The following PCDH11X variants were observed in gnomAD, a reference collection of about 807,000 sequenced individuals.
PCDH11X encodes protocadherin-11 X-linked.
PCDH11X carries 18 observed loss-of-function variants against 53.3 expected under a neutral mutation model. The ratio of observed to expected loss-of-function variants is 0.34; its 90% CI spans 0.23 to 0.50. The LOEUF (loss-of-function observed/expected upper bound fraction) is 0.50, where lower values mean the gene tolerates loss of function less well. Ranked by LOEUF, PCDH11X falls within the 20% of genes least tolerant of loss-of-function variation. PCDH11X has a pLI of 0.98. For synonymous variants in PCDH11X, 279 were observed against 393.3 expected (o/e 0.71, Z 3.44); for missense variants, 570 against 1,032.4 (o/e 0.55, Z 6.14).
At chrX:92,278,073 C>A (rs1163814931) in intron 8 of PCDH11X, among the ~76,000 whole-genome samples, 2 of 109,730 alleles carry the variant, frequency 1.8e-5, no homozygotes, top group African/African-American at 6.6e-5. Context: ...ATGGATAAAA[C>A]GTGTCTCCTT....
At chrX:92,052,605 A>G (rs1271050822) in intron 6 of PCDH11X, among the ~76,000 whole-genome samples, 1 of 67,706 alleles carries the variant, frequency 1.5e-5, no homozygotes, top group Admixed American at 2.0e-4. Flanking sequence ...CACAGAATAG[A>G]CACTAACCTT....
chrX:92,294,296 C>T (rs1286848316), intron 8 of PCDH11X, among the ~76,000 whole-genome samples: 2 of 109,850 alleles, frequency 1.8e-5, no homozygotes, highest in African/African-American at 6.7e-5. Flanking sequence ...CACCCACCAC[C>T]ACGCCCAGCT....
chrX:92,577,241 A>G (rs1312698523), intron 10 of PCDH11X, among the ~76,000 whole-genome samples: 1 of 110,345 alleles, frequency 9.1e-6, no homozygotes, highest in Non-Finnish European at 1.9e-5. Context: ...TGGTCCATTC[A>G]GAGATTCAAC....
chrX:92,354,864 T>C (rs769775115), intron 8 of PCDH11X, among the ~76,000 whole-genome samples: 2 of 111,360 alleles, frequency 1.8e-5, no homozygotes, highest in South Asian at 7.6e-4. Context: ...AACGCCTTGA[T>C]AAATGTGAGG....
chrX:92,301,736 T>C (rs1328302835), intron 8 of PCDH11X, among the ~76,000 whole-genome samples: 1 of 110,220 alleles, frequency 9.1e-6, no homozygotes, highest in Admixed American at 9.6e-5. Flanking sequence ...TTCCTTTTCT[T>C]GTGTTGTCTT....
At chrX:92,167,027 T>A (rs922152777) in intron 6 of PCDH11X, among the ~76,000 whole-genome samples, 6 of 109,928 alleles carry the variant, frequency 5.5e-5, no homozygotes, top group Non-Finnish European at 9.5e-5. Context: ...ATTATGAACA[T>A]TAAAATTAAT....
At chrX:92,461,784 G>T (rs889244898) in intron 9 of PCDH11X, among the ~76,000 whole-genome samples, 1 of 111,098 alleles carries the variant, frequency 9.0e-6, no homozygotes, top group Non-Finnish European at 1.9e-5. Flanking sequence ...CCCACAGAAG[G>T]GGGGGAAATA....
intron 9 of PCDH11X, among the ~76,000 whole-genome samples, chrX:92,462,168 T>C (rs1186404711): frequency 8.9e-6 from 1 of 112,131 alleles, no homozygotes; most frequent in Non-Finnish European, 1.9e-5. Context: ...CCCTGTTTTA[T>C]TTCTATGTGC....
intron 10 of PCDH11X, among the ~76,000 whole-genome samples, chrX:92,479,045 G>A (rs2073447890): frequency 9.0e-6 from 1 of 110,801 alleles, no homozygotes; most frequent in African/African-American, 3.3e-5. Context: ...GAGTGCTAAT[G>A]TGTTGGGTGC....
At chrX:92,545,613 C>A (rs1435822665) in intron 10 of PCDH11X, among the ~76,000 whole-genome samples, 1 of 109,883 alleles carries the variant, frequency 9.1e-6, no homozygotes, top group African/African-American at 3.3e-5. Flanking sequence ...GTTGGCCAGA[C>A]TGGTCTTGAA....
At chrX:91,987,598 A>G (rs1275525049) in intron 6 of PCDH11X, among the ~76,000 whole-genome samples, 2 of 111,425 alleles carry the variant, frequency 1.8e-5, no homozygotes, top group Admixed American at 1.9e-4. Context: ...ACTATCCACT[A>G]TGAAGATTTT....
chrX:91,825,535 C>G (rs1041071274), intron 4 of PCDH11X, among the ~76,000 whole-genome samples: 1 of 111,833 alleles, frequency 8.9e-6, no homozygotes, highest in African/African-American at 3.3e-5. Flanking sequence ...TGCTTCAGCT[C>G]GCGCACGGTG....
At chrX:92,250,729 A>G (rs1049876307) in intron 7 of PCDH11X, among the ~76,000 whole-genome samples, 4 of 109,077 alleles carry the variant, frequency 3.7e-5, no homozygotes, top group African/African-American at 9.9e-5. Context: ...TATTATGCTA[A>G]GTGAAAAAAA....
At chrX:92,576,748 T>C (rs1243934046) in intron 10 of PCDH11X, among the ~76,000 whole-genome samples, 1 of 108,999 alleles carries the variant, frequency 9.2e-6, no homozygotes, top group Non-Finnish European at 1.9e-5. Context: ...CTGTTGTTTC[T>C]ATTTATATCT....
chrX:92,172,808 C>T (rs146915775), intron 6 of PCDH11X, among the ~76,000 whole-genome samples: 1 of 111,648 alleles, frequency 9.0e-6, no homozygotes, highest in African/African-American at 3.2e-5. Flanking sequence ...TGTATGTTTA[C>T]AATGAATGAG....
chrX:92,091,992 G>T (rs1035144855), intron 6 of PCDH11X, among the ~76,000 whole-genome samples: 3 of 111,451 alleles, frequency 2.7e-5, no homozygotes, highest in Non-Finnish European at 5.6e-5. Context: ...TCAAGATATG[G>T]CAAGGAAATA....
At chrX:92,100,523 G>A (rs1393239236) in intron 6 of PCDH11X, among the ~76,000 whole-genome samples, 1 of 110,398 alleles carries the variant, frequency 9.1e-6, no homozygotes, top group Admixed American at 9.7e-5. Context: ...CATCACTTAA[G>A]GCAAGGACCG....
chrX:92,199,710 TG>T (rs1169199556), intron 6 of PCDH11X, among the ~76,000 whole-genome samples: 1 of 109,191 alleles, frequency 9.2e-6, no homozygotes, highest in Non-Finnish European at 1.9e-5. Flanking sequence ...TTGGCAGGGG[TG>T]GGGGGATTAT....
intron 9 of PCDH11X, among the ~76,000 whole-genome samples, chrX:92,415,699 T>C (rs1170564630): frequency 4.5e-5 from 5 of 111,248 alleles, no homozygotes; most frequent in Non-Finnish European, 9.5e-5. Flanking sequence ...AAATAATAAT[T>C]TGTTGTGTTT....
Sources: gnomAD v4.1 joint callset for allele counts (sites outside exome capture counted in the v4.1 genomes callset) on GRCh38, gnomAD v4.1.1 for gene constraint, MANE v1.5 for transcripts, NCBI Gene and HGNC (gene_info 2026-07-23, HGNC 2026-07-21) for gene names.